Variants in GGACT observed in about 807,000 individuals in gnomAD.
The protein encoded by GGACT is gamma-glutamylaminecyclotransferase.
For missense variants in GGACT, 241 were observed against 233.2 expected (o/e 1.03, Z -0.22); for synonymous variants, 118 against 115.3 (o/e 1.02, Z -0.15).
intron 2 of GGACT, among the ~76,000 whole-genome samples, chr13:100,565,335 T>C (rs1021598268): frequency 4.1e-4 from 63 of 152,198 alleles, no homozygotes; most frequent in Non-Finnish European, 5.9e-4. Context: ...TAAAGCCTGG[T>C]CCAGTCAACC....
chr13:100,553,798 C>T (rs997937458), intron 2 of GGACT, among the ~76,000 whole-genome samples: 2 of 149,522 alleles, frequency 1.3e-5, no homozygotes, highest in South Asian at 2.1e-4. Flanking sequence ...GAGCCAAGAT[C>T]GCGCCACTGC....
chr13:100,532,970 C>A (rs1015644168), intron 2 of GGACT, among the ~76,000 whole-genome samples: 3 of 152,186 alleles, frequency 2.0e-5, no homozygotes, highest in Non-Finnish European at 4.4e-5. Flanking sequence ...GACAGGACAC[C>A]TGCGTTCTGG....
At chr13:100,546,463 A>G (rs1271409167) in intron 2 of GGACT, among the ~76,000 whole-genome samples, 1 of 101,392 alleles carries the variant, frequency 9.9e-6, no homozygotes, top group East Asian at 5.7e-4. Context: ...TAAAACTGAT[A>G]TTGTACAACA....
At chr13:100,583,018 G>A (rs1875464114) in intron 2 of GGACT, among the ~76,000 whole-genome samples, 1 of 152,110 alleles carries the variant, frequency 6.6e-6, no homozygotes, top group African/African-American at 2.4e-5. Context: ...ACTGTGTTAT[G>A]GAAAGTAAAA....
chr13:100,542,502 A>T (rs988278859), intron 2 of GGACT, among the ~76,000 whole-genome samples: 3 of 152,196 alleles, frequency 2.0e-5, no homozygotes, highest in Admixed American at 6.5e-5. Flanking sequence ...AATGACATGC[A>T]TGAGACCTTA....
rs367551186 is a variant in GGACT, at chr13:100,550,187, C to T, written c.-10-17586G>A. On this transcript the variant is annotated intron_variant, in intron 2 of 2. Transcript: ENST00000683975. ...GGCCGGCCACTGTGTGCTGGCCGGA[C>T]AGCCTGAATTCTGAGGCCAAAACTT... 5.3e-5 allele frequency among the ~76,000 whole-genome samples: 8 copies of T among 152,168 alleles called. 1 individual carries two copies. In the South Asian group the frequency reaches 1.0e-3, roughly 20 times the overall value.
rs369032671 is a variant in GGACT, at chr13:100,566,200, T to C, written c.-11+17625A>G. ...ACACAGCTAAGCCACTCTTAGATCC[T>C]GAGCCACAGAAACTGTGGGATAATT... On this transcript the variant is annotated intron_variant, in intron 2 of 2. Transcript: ENST00000683975. Among the ~76,000 whole-genome samples, 221 of 152,360 alleles carry C rather than the reference T, an allele frequency of 1.5e-3. 1 individual carries two copies. Among genetic ancestry groups the C allele is most frequent in the African/African-American group, 5.0e-3 (207 of 41,582 alleles).
At chr13:100,540,034 T>C (rs1254569879) in intron 2 of GGACT, 6 of 1,286,256 alleles carry the variant, frequency 4.7e-6, no homozygotes, top group Non-Finnish European at 6.7e-6. Flanking sequence ...CACACAGTAA[T>C]GTAGCTTCAC....
chr13:100,577,857 G>A (rs1179853347), intron 2 of GGACT, among the ~76,000 whole-genome samples: 1 of 152,168 alleles, frequency 6.6e-6, no homozygotes, highest in African/African-American at 2.4e-5. Flanking sequence ...AGGGCAGCAG[G>A]GAGGGAAGAA....
intron 2 of GGACT, among the ~76,000 whole-genome samples, chr13:100,573,876 C>G (rs1187481331): frequency 1.5e-5 from 1 of 65,768 alleles, no homozygotes; most frequent in African/African-American, 5.3e-5. Context: ...ATGGCATTAT[C>G]AAAAAGTCAA....
intron 2 of GGACT, among the ~76,000 whole-genome samples, chr13:100,544,952 G>A (rs1202091238): frequency 6.6e-6 from 1 of 152,242 alleles, no homozygotes; most frequent in Non-Finnish European, 1.5e-5. Flanking sequence ...CAAATTCCAG[G>A]CACGGCAGCA....
chr13:100,579,846 A>G (rs1263746633), intron 2 of GGACT, among the ~76,000 whole-genome samples: 1 of 152,148 alleles, frequency 6.6e-6, no homozygotes, highest in African/African-American at 2.4e-5. Flanking sequence ...TCTATTGTTA[A>G]TCTTTGTCAT....
intron 2 of GGACT, among the ~76,000 whole-genome samples, chr13:100,581,769 C>G (rs73568728): frequency 0.019 from 2,904 of 152,228 alleles, 92 homozygotes; most frequent in African/African-American, 0.067. Flanking sequence ...TAATCAAGAT[C>G]AACAGCAAAA....
chr13:100,558,284 C>G (rs1201736122), intron 2 of GGACT, among the ~76,000 whole-genome samples: 1 of 151,844 alleles, frequency 6.6e-6, no homozygotes, highest in Non-Finnish European at 1.5e-5. Flanking sequence ...TAGAGACCAG[C>G]CTGGGAAACA....
chr13:100,572,165 A>G (rs1181831208), intron 2 of GGACT, among the ~76,000 whole-genome samples: 1 of 152,222 alleles, frequency 6.6e-6, no homozygotes, highest in Non-Finnish European at 1.5e-5. Context: ...GAAGGAATAA[A>G]CAAAATGTGG....
At chr13:100,543,143 T>A (rs935436101) in intron 2 of GGACT, among the ~76,000 whole-genome samples, 1 of 151,324 alleles carries the variant, frequency 6.6e-6, no homozygotes, top group East Asian at 1.9e-4. Flanking sequence ...AGGAAAGGGC[T>A]AGTGTTTAAC....
intron 2 of GGACT, among the ~76,000 whole-genome samples, chr13:100,559,188 C>G (rs550683617): frequency 2.5e-4 from 38 of 152,264 alleles, no homozygotes; most frequent in African/African-American, 9.1e-4. Flanking sequence ...TTAATTTATT[C>G]ATTCATTAAT....
intron 2 of GGACT, among the ~76,000 whole-genome samples, chr13:100,547,618 T>C (rs2088620416): frequency 6.6e-6 from 1 of 152,208 alleles, no homozygotes. Flanking sequence ...CTCCTCATCT[T>C]TTCTTTAGGG....
At chr13:100,561,838 C>T (rs995154276) in intron 2 of GGACT, among the ~76,000 whole-genome samples, 21 of 152,260 alleles carry the variant, frequency 1.4e-4, no homozygotes, top group Admixed American at 1.1e-3. Flanking sequence ...CAGTGAGACC[C>T]TGGCACTTCC....
Sources: gnomAD v4.1 joint callset for allele counts (sites outside exome capture counted in the v4.1 genomes callset) on GRCh38, gnomAD v4.1.1 for gene constraint, MANE v1.5 for transcripts, NCBI Gene and HGNC (gene_info 2026-07-23, HGNC 2026-07-21) for gene names.